The following IFT74 variants were observed in gnomAD, a reference collection of about 807,000 sequenced individuals.
IFT74 encodes the protein intraflagellar transport protein 74 homolog.
Under a neutral mutation model 96.7 loss-of-function variants are expected in IFT74, and 92 were observed. That is an observed-to-expected ratio of 0.95 (90% CI 0.80 to 1.13). The LOEUF is 1.13. Among genes scored for constraint, IFT74 ranks in the 50% most tolerant of loss-of-function variants. The pLI is 0.00. For missense variants in IFT74, 811 were observed against 698.2 expected (o/e 1.16, Z -1.82); for synonymous variants, 223 against 213.2 (o/e 1.05, Z -0.40).
intron 8 of IFT74, chr9:26,996,577 AT>A (rs1294559868): frequency 5.8e-6 from 6 of 1,030,684 alleles, no homozygotes; most frequent in African/African-American, 3.3e-5. Flanking sequence ...TTTATCTAGA[AT>A]TTTTGACATA....
intron 15 of IFT74, 137 bp downstream of exon 15, chr9:27,047,508 C>T: frequency 5.5e-6 from 3 of 545,456 alleles, no homozygotes; most frequent in South Asian, 2.7e-5. Context: ...TTACTTGTTA[C>T]TATTTATTTC....
chr9:26,953,703 G>A (rs1052023497), upstream of IFT74, among the ~76,000 whole-genome samples: 1 of 151,742 alleles, frequency 6.6e-6, no homozygotes, highest in African/African-American at 2.4e-5. Flanking sequence ...TAGGGGGGGG[G>A]TCTCACTATG....
chr9:27,041,126 G>T (rs940565529), intron 13 of IFT74, among the ~76,000 whole-genome samples: 1 of 152,098 alleles, frequency 6.6e-6, no homozygotes, highest in Non-Finnish European at 1.5e-5. Context: ...GGATGAAAAA[G>T]CCTGAATTTA....
At chr9:27,023,861 C>T (rs563452728) in intron 12 of IFT74, among the ~76,000 whole-genome samples, 72 of 152,186 alleles carry the variant, frequency 4.7e-4, no homozygotes, top group Non-Finnish European at 8.4e-4. Context: ...CTAACCCTGC[C>T]CCGACCTGAT....
At chr9:27,013,284 A>G (rs1172506121) in intron 10 of IFT74, among the ~76,000 whole-genome samples, 1 of 152,126 alleles carries the variant, frequency 6.6e-6, no homozygotes, top group East Asian at 1.9e-4. Flanking sequence ...GAACCTCCTC[A>G]TTATTTTAAA....
Position 27,008,654 on chromosome 9 carries a change from G to A in IFT74, c.588-366G>A, listed in dbSNP as rs10967659. Among the ~76,000 whole-genome samples, 1,297 of 152,128 alleles carry A rather than the reference G, an allele frequency of 8.5e-3. 16 individuals carry two copies. The highest frequency in any genetic ancestry group is 0.029 in the African/African-American group (1,195 of 41,522). The stretch of plus-strand genomic sequence containing the variant: ...GGATTACAGACGTGAGCCACCGAGC[G>A]CAGCCTCTTATTTGTCTTTTGAAGG... On this transcript the variant is annotated intron_variant, in intron 8 of 19. Coordinates refer to ENST00000380062, the MANE Select transcript of IFT74 (RefSeq NM_025103.4).
chr9:27,021,221 AT>A (rs1829584004), intron 12 of IFT74, among the ~76,000 whole-genome samples: 1 of 152,028 alleles, frequency 6.6e-6, no homozygotes, highest in East Asian at 1.9e-4. Flanking sequence ...CATTTTCTTT[AT>A]TCACTTGTTG....
At chr9:26,992,588 G>A (rs1827935893) in intron 8 of IFT74, among the ~76,000 whole-genome samples, 1 of 151,988 alleles carries the variant, frequency 6.6e-6, no homozygotes, top group Non-Finnish European at 1.5e-5. Context: ...AGCTACTCAG[G>A]AGGCTGAGGC....
At chr9:26,983,296 C>T (rs949330974) in intron 4 of IFT74, among the ~76,000 whole-genome samples, 1 of 152,186 alleles carries the variant, frequency 6.6e-6, no homozygotes, top group Non-Finnish European at 1.5e-5. Flanking sequence ...ATAGTTATTC[C>T]TAATGATTGC....
intron 5 of IFT74, 60 bp downstream of exon 5, chr9:26,984,415 G>T: frequency 6.3e-7 from 1 of 1,578,660 alleles, no homozygotes; most frequent in Non-Finnish European, 8.6e-7. Context: ...TAACTTTGTA[G>T]CTATCCATAT....
chr9:27,045,640 A>T (rs916110988), intron 14 of IFT74, among the ~76,000 whole-genome samples: 1 of 152,138 alleles, frequency 6.6e-6, no homozygotes, highest in Non-Finnish European at 1.5e-5. Context: ...TAATTTTTTT[A>T]AAAAATTGGC....
At chr9:26,951,636 C>T (rs529275025), upstream of IFT74, among the ~76,000 whole-genome samples, 17 of 152,286 alleles carry the variant, frequency 1.1e-4, no homozygotes, top group South Asian at 2.5e-3. Flanking sequence ...CAATGGCTCA[C>T]GCCTGTAATA....
intron 13 of IFT74, among the ~76,000 whole-genome samples, chr9:27,032,179 A>G (rs1024649729): frequency 1.8e-4 from 28 of 152,226 alleles, no homozygotes; most frequent in African/African-American, 6.0e-4. Flanking sequence ...GCTTCACCCA[A>G]TGCTGGCTTA....
chr9:27,022,230 C>T (rs186876972), intron 12 of IFT74, among the ~76,000 whole-genome samples: 8 of 152,258 alleles, frequency 5.3e-5, no homozygotes, highest in Non-Finnish European at 8.8e-5. Context: ...TTGGTGACCT[C>T]ATAGTCCTTA....
chr9:26,965,254 G>T (rs1826555648), intron 2 of IFT74, among the ~76,000 whole-genome samples: 3 of 152,156 alleles, frequency 2.0e-5, no homozygotes, highest in Admixed American at 2.0e-4. Flanking sequence ...AAATTTATCT[G>T]ATTTTCACAC....
intron 12 of IFT74, among the ~76,000 whole-genome samples, chr9:27,027,384 T>C (rs184853796): frequency 6.6e-6 from 1 of 152,272 alleles, no homozygotes; most frequent in East Asian, 1.9e-4. Flanking sequence ...TATCAGACTT[T>C]CAAAGAATTG....
intron 12 of IFT74, among the ~76,000 whole-genome samples, chr9:27,022,481 T>A (rs1829656705): frequency 6.6e-6 from 1 of 152,204 alleles, no homozygotes; most frequent in Non-Finnish European, 1.5e-5. Flanking sequence ...TGTTTCCATT[T>A]GTTTTTGTCA....
chr9:26,948,451 T>A (rs369885840), intron 1 of IFT74, among the ~76,000 whole-genome samples: 1,597 of 21,966 alleles, frequency 0.073, 13 homozygotes, highest in South Asian at 0.3. Context: ...TTCCATTATT[T>A]TTTTTTTTTT....
chr9:27,017,972 A>T (rs1412254138), intron 11 of IFT74, among the ~76,000 whole-genome samples: 3 of 152,178 alleles, frequency 2.0e-5, no homozygotes, highest in African/African-American at 7.2e-5. Flanking sequence ...TGCATTTAGA[A>T]GAAATGTAGG....
Sources: allele counts gnomAD v4.1 joint callset (sites outside exome capture counted in the v4.1 genomes callset), GRCh38; gene constraint gnomAD v4.1.1; transcripts MANE v1.5; gene names NCBI Gene and HGNC (gene_info 2026-07-23, HGNC 2026-07-21).